The following FBXO25 variants were observed in gnomAD, a reference collection of about 807,000 sequenced individuals.
FBXO25 encodes the protein F-box only protein 25.
Under a neutral mutation model 51.9 loss-of-function variants are expected in FBXO25, and 45 were observed. That is an observed-to-expected ratio of 0.87 (90% CI 0.68 to 1.11). The LOEUF (loss-of-function observed/expected upper bound fraction) is 1.11. Ranked by LOEUF, FBXO25 falls within the 50% of genes most tolerant of loss-of-function variation. The pLI, the probability that FBXO25 is intolerant of heterozygous loss-of-function variation, is 0.00. For synonymous variants in FBXO25, 199 were observed against 151.0 expected, an observed-to-expected ratio of 1.32 and a Z score of -2.33; for missense variants, 507 against 428.5, an observed-to-expected ratio of 1.18 and a Z score of -1.62.
rs865814590 is a variant in FBXO25 at position 475,281 on chromosome 8, A to C, written c.*6477A>C. ...GCAAGGGTTTATTTGGGGATTTGCT[A>C]TTCTGTTCCATTGGTCTACATGACT... On this transcript the variant is annotated 3_prime_UTR_variant, in exon 10 of 10. Transcript: ENST00000350302. 1 of 215,818 alleles carries C rather than the reference A, an allele frequency of 4.6e-6. No homozygotes were observed. Among genetic ancestry groups the C allele is most frequent in the South Asian group, 7.3e-5 (1 of 13,668 alleles). 13.4% of individuals were successfully genotyped at this position (215,818 alleles called of 1,614,324 possible).
chr8:467,682 CTGCATTCCTTCCT>C, intron 9 of FBXO25: 1 of 1,611,748 alleles, frequency 6.2e-7, no homozygotes, highest in Non-Finnish European at 8.5e-7. Context: ...CCTCCCTTCA[CTGCATTCCTTCCT>C]GATTCTTTCT....
At chr8:420,335 C>T (rs1477801334) in intron 2 of FBXO25, 2 of 152,190 alleles carry the variant, frequency 1.3e-5, no homozygotes, top group Non-Finnish European at 2.9e-5. Flanking sequence ...GCTCTCCAAC[C>T]CTGCTACTGG....
Position 471,863 on chromosome 8 carries a change from A to C in FBXO25, c.*3059A>C, listed in dbSNP as rs549287204. ...CGTACTGTACAGGGCTGTACACAGC[A>C]AACTGTGTCTACTTTATGGAAAAAA... On this transcript the variant is annotated 3_prime_UTR_variant, in exon 10 of 10. Coordinates refer to ENST00000350302, the MANE Select transcript of FBXO25 (RefSeq NM_183420.2). 6.6e-6 allele frequency: 1 copy of C among 152,332 alleles called. No individual in the cohort carries two copies. The highest frequency in any genetic ancestry group is 6.5e-5 in the Admixed American group (1 of 15,300). 9.4% of individuals were successfully genotyped at this position (152,332 alleles called of 1,614,324 possible).
intron 5 of FBXO25, among the ~76,000 whole-genome samples, chr8:436,076 G>A (rs1342351148): frequency 6.6e-5 from 10 of 152,230 alleles, no homozygotes; most frequent in African/African-American, 1.4e-4. Flanking sequence ...TTTCTGCTTC[G>A]TGTTTTTCAC....
chr8:440,569 T>C (rs916587724), intron 5 of FBXO25, among the ~76,000 whole-genome samples: 1 of 152,024 alleles, frequency 6.6e-6, no homozygotes, highest in African/African-American at 2.4e-5. Flanking sequence ...CTTTCTTAAA[T>C]GCGTCATATG....
intron 5 of FBXO25, among the ~76,000 whole-genome samples, chr8:443,335 T>C (rs1798541379): frequency 6.6e-6 from 1 of 150,408 alleles, no homozygotes; most frequent in South Asian, 2.1e-4. Context: ...ATCTTCATTT[T>C]TCTTTAATTC....
intron 1 of FBXO25, among the ~76,000 whole-genome samples, chr8:409,446 A>C (rs1796363906): frequency 6.6e-6 from 1 of 152,214 alleles, no homozygotes. Flanking sequence ...ATTCAGACCA[A>C]ACTATTCATT....
At chr8:435,228 G>T (rs1798032987) in intron 4 of FBXO25, among the ~76,000 whole-genome samples, 1 of 152,088 alleles carries the variant, frequency 6.6e-6, no homozygotes, top group Admixed American at 6.6e-5. Flanking sequence ...TCCTTACAAT[G>T]CAGTTAATCA....
intron 5 of FBXO25, among the ~76,000 whole-genome samples, chr8:449,220 A>C (rs1798922899): frequency 6.6e-6 from 1 of 152,274 alleles, no homozygotes; most frequent in South Asian, 2.1e-4. Flanking sequence ...TAAAAAATAA[A>C]GTGGGACAAA....
intron 5 of FBXO25, among the ~76,000 whole-genome samples, chr8:436,911 G>A (rs868274883): frequency 3.9e-5 from 6 of 152,150 alleles, no homozygotes; most frequent in Admixed American, 6.5e-5. Context: ...GGAAGTCGTT[G>A]GCTCCTGGTG....
rs192245067 is a variant in FBXO25 at position 474,438 on chromosome 8, T to C, written c.*5634T>C. 3.0e-4 allele frequency: 92 copies of C among 301,822 alleles called. 2 individuals are homozygous for C. In the Middle Eastern group the frequency reaches 9.5e-3, roughly 31 times the overall value. The allele number at this position is 301,822 out of a possible 1,614,324, so 18.7% of individuals were successfully genotyped here. A position where few individuals can be genotyped will look rare whatever the true frequency, so the allele number is the denominator to read the frequency against. On this transcript the variant is annotated 3_prime_UTR_variant, in exon 10 of 10. Coordinates refer to ENST00000350302, the MANE Select transcript of FBXO25 (RefSeq NM_183420.2). ...ATCTGAGTCTCTGCTTTCAATCATA[T>C]GGCAATCCTATGTTTAATTTCTTAG...
At chr8:426,805 C>T (rs1209565341) in intron 2 of FBXO25, among the ~76,000 whole-genome samples, 1 of 152,082 alleles carries the variant, frequency 6.6e-6, no homozygotes, top group Non-Finnish European at 1.5e-5. Flanking sequence ...TTGGCTGTGG[C>T]TCCACCTGGC....
At chr8:439,998 T>C (rs1331558703) in intron 5 of FBXO25, among the ~76,000 whole-genome samples, 1 of 152,226 alleles carries the variant, frequency 6.6e-6, no homozygotes, top group Non-Finnish European at 1.5e-5. Flanking sequence ...TTTCTACTAA[T>C]GACTACTCCA....
At chr8:445,936 G>C (rs1468339880) in intron 5 of FBXO25, among the ~76,000 whole-genome samples, 2 of 152,116 alleles carry the variant, frequency 1.3e-5, no homozygotes, top group Non-Finnish European at 2.9e-5. Flanking sequence ...CCTGGTGTCT[G>C]GTGTGATGGA....
chr8:445,976 T>G (rs577081757), intron 5 of FBXO25, among the ~76,000 whole-genome samples: 57 of 152,062 alleles, frequency 3.7e-4, no homozygotes, highest in Middle Eastern at 3.4e-3. Flanking sequence ...TGCTCCTGAG[T>G]TCAGTCTTCC....
chr8:465,028 A>C (rs893738250), intron 9 of FBXO25, among the ~76,000 whole-genome samples: 17 of 152,182 alleles, frequency 1.1e-4, no homozygotes, highest in Non-Finnish European at 2.1e-4. Context: ...GAGAACCCTC[A>C]TTCTATTCTT....
chr8:455,709 A>G (rs966675839), intron 7 of FBXO25, among the ~76,000 whole-genome samples: 2 of 152,246 alleles, frequency 1.3e-5, no homozygotes, highest in African/African-American at 4.8e-5. Flanking sequence ...CAAGAGAAGC[A>G]GCAGCATCGT....
intron 3 of FBXO25, among the ~76,000 whole-genome samples, chr8:432,342 T>TC (rs1797865887): frequency 1.3e-5 from 2 of 152,152 alleles, no homozygotes. Context: ...ATTTAAAACT[T>TC]ATGAATGGTT....
In FBXO25 at chr8:450,025, A is replaced by T; in HGVS notation, c.417A>T (p.Ser139=). Residue 139 remains serine, a synonymous_variant, in exon 6 of 10, where the codon TCA becomes TCT. Coordinates refer to ENST00000350302, the MANE Select transcript of FBXO25 (RefSeq NM_183420.2). ...TAATTGCAAAATCCCAGTTAACTTCATTGAGTGGCGTGGCACAGAAGAATT... is the reference window on the plus strand; with the variant it reads ...TAATTGCAAAATCCCAGTTAACTTCTTTGAGTGGCGTGGCACAGAAGAATT... ...LQLIAKSQLT[S]LSGVAQKNYF... is the part of the protein sequence containing the mutation. 1 of 1,612,806 alleles carries T rather than the reference A, an allele frequency of 6.2e-7. No homozygotes were observed. Among genetic ancestry groups the T allele is most frequent in the Non-Finnish European group, 8.5e-7 (1 of 1,179,586 alleles).
Sources: allele counts gnomAD v4.1 joint callset (sites outside exome capture counted in the v4.1 genomes callset), GRCh38; gene constraint gnomAD v4.1.1; transcripts MANE v1.5; gene names NCBI Gene and HGNC (gene_info 2026-07-23, HGNC 2026-07-21).